The following NCEH1 variants were observed in gnomAD, a reference collection of about 807,000 sequenced individuals.
NCEH1 encodes neutral cholesterol ester hydrolase 1, also known as 2-acetyl MAGE hydrolase.
Under a neutral mutation model 25.4 loss-of-function variants are expected in NCEH1, and 9 were observed. The ratio of observed to expected loss-of-function variants is 0.35; its 90% CI spans 0.21 to 0.62. The LOEUF (loss-of-function observed/expected upper bound fraction) is 0.62, where lower values mean the gene tolerates loss of function less well. Among genes scored for constraint, NCEH1 ranks in the 20% least tolerant of loss-of-function variants. NCEH1 has a pLI of 0.72. For missense variants in NCEH1, 412 were observed against 501.1 expected (o/e 0.82, Z 1.70); for synonymous variants, 200 against 199.8 (o/e 1.00, Z -0.01).
intron 1 of NCEH1, among the ~76,000 whole-genome samples, chr3:172,681,573 C>T (rs1712377083): frequency 6.6e-6 from 1 of 151,884 alleles, no homozygotes; most frequent in Non-Finnish European, 1.5e-5. Context: ...CATTACACTA[C>T]ACATGGAACA....
intron 1 of NCEH1, among the ~76,000 whole-genome samples, chr3:172,706,783 G>A (rs1714026477): frequency 1.3e-5 from 2 of 152,058 alleles, no homozygotes; most frequent in African/African-American, 4.8e-5. Flanking sequence ...TTACAGGCAT[G>A]AGCCACCACA....
chr3:172,685,988 T>C (rs1204325801), intron 1 of NCEH1, among the ~76,000 whole-genome samples: 1 of 152,260 alleles, frequency 6.6e-6, no homozygotes, highest in Non-Finnish European at 1.5e-5. Flanking sequence ...TGAAGAGTTC[T>C]GAGATCTGTG....
intron 1 of NCEH1, chr3:172,681,038 C>A (rs531690221): frequency 5.3e-5 from 8 of 150,756 alleles, no homozygotes; most frequent in African/African-American, 1.5e-4. Context: ...CCTTTACTTG[C>A]CAAGATACGT....
chr3:172,704,349 A>C (rs1057264387), intron 1 of NCEH1, among the ~76,000 whole-genome samples: 2 of 152,226 alleles, frequency 1.3e-5, no homozygotes, highest in African/African-American at 4.8e-5. Context: ...GTGTCACTGA[A>C]AAGATTCATA....
At chr3:172,666,098 C>T (rs1718194201) in intron 1 of NCEH1, among the ~76,000 whole-genome samples, 1 of 152,092 alleles carries the variant, frequency 6.6e-6, no homozygotes, top group South Asian at 2.1e-4. Context: ...GGAGCTGCTT[C>T]TATTCTTGGA....
chr3:172,691,959 AAAAAAAAAAG>A (rs1328183023), intron 1 of NCEH1, among the ~76,000 whole-genome samples: 166 of 25,638 alleles, frequency 6.5e-3, no homozygotes, highest in African/African-American at 0.033. Flanking sequence ...AAAAAAAAAA[AAAAAAAAAAG>A]AAAGAAAGAA....
At chr3:172,658,943 T>C (rs1156340924) in intron 1 of NCEH1, among the ~76,000 whole-genome samples, 1 of 145,484 alleles carries the variant, frequency 6.9e-6, no homozygotes, top group African/African-American at 2.5e-5. Flanking sequence ...TCCTATAGTC[T>C]ACAGGATATG....
At chr3:172,654,896 C>G (rs1717617174) in intron 1 of NCEH1, among the ~76,000 whole-genome samples, 1 of 152,142 alleles carries the variant, frequency 6.6e-6, no homozygotes, top group South Asian at 2.1e-4. Context: ...AATCTATAAT[C>G]TCATGGAACA....
intron 1 of NCEH1, among the ~76,000 whole-genome samples, chr3:172,699,508 C>T (rs1713566317): frequency 6.6e-6 from 1 of 152,122 alleles, no homozygotes; most frequent in Non-Finnish European, 1.5e-5. Flanking sequence ...CAAATGTGTG[C>T]AAGTCAAATA....
At chr3:172,647,777 A>T in intron 2 of NCEH1, 109 bp downstream of exon 2, 1 of 1,425,644 alleles carries the variant, frequency 7.0e-7, no homozygotes, top group Non-Finnish European at 9.6e-7. Context: ...ATCCAGGGGA[A>T]CCTAGATAAA....
chr3:172,653,384 T>A (rs991948176), intron 1 of NCEH1, among the ~76,000 whole-genome samples: 12 of 152,186 alleles, frequency 7.9e-5, no homozygotes, highest in African/African-American at 2.9e-4. Context: ...TTGGTCTCTG[T>A]TGACTAAGTC....
At chr3:172,666,645 A>G (rs1247873929) in intron 1 of NCEH1, among the ~76,000 whole-genome samples, 1 of 152,164 alleles carries the variant, frequency 6.6e-6, no homozygotes, top group Non-Finnish European at 1.5e-5. Flanking sequence ...GAGCCGTATC[A>G]TTTTGGTGCA....
At chr3:172,645,282 G>A (rs1304008638) in intron 3 of NCEH1, among the ~76,000 whole-genome samples, 1 of 152,120 alleles carries the variant, frequency 6.6e-6, no homozygotes, top group African/African-American at 2.4e-5. Flanking sequence ...ACTCTCAGCT[G>A]TAGAAGAGAT....
intron 1 of NCEH1, among the ~76,000 whole-genome samples, chr3:172,697,938 T>C (rs1659423931): frequency 6.6e-6 from 1 of 152,196 alleles, no homozygotes; most frequent in Non-Finnish European, 1.5e-5. Context: ...AGCAATCTTA[T>C]TGTTAAAAGC....
intron 1 of NCEH1, among the ~76,000 whole-genome samples, chr3:172,668,900 G>T (rs1209830042): frequency 1.3e-5 from 2 of 152,092 alleles, no homozygotes; most frequent in East Asian, 3.9e-4. Flanking sequence ...TGTAATGATG[G>T]AGCTTTACAA....
In NCEH1 at chr3:172,710,956, G is replaced by A. The variant is rs781216479; in HGVS notation, c.29C>T (p.Ala10Val). The change falls in exon 1 of 5, where the codon GCC becomes GTC. Residue 10 changes from alanine (A) to valine (V), a missense_variant. This residue lies in a region of NCEH1 where 178 missense variants were observed against 189.2 expected (regional missense o/e 0.94). Coordinates refer to ENST00000475381, the MANE Select transcript of NCEH1 (RefSeq NM_020792.6). ...GTAATAGGCGGCCAGCGCCACCAGG[G>A]CGGTGAGCAGGACACAGGACGACCT... MRSSCVLLT[A>V]LVALAAYYVY... 6.8e-6 allele frequency: 11 copies of A among 1,613,994 alleles called. No individual in the cohort carries two copies. The African/African-American group carries it at 1.3e-4, about 20-fold the overall frequency.
At chr3:172,687,462 A>T (rs1333167440) in intron 1 of NCEH1, among the ~76,000 whole-genome samples, 1 of 152,254 alleles carries the variant, frequency 6.6e-6, no homozygotes, top group Admixed American at 6.5e-5. Flanking sequence ...AACCATTTGC[A>T]ACACTTGTAA....
chr3:172,692,725 T>C (rs1001365465), intron 1 of NCEH1, among the ~76,000 whole-genome samples: 8 of 152,140 alleles, frequency 5.3e-5, no homozygotes, highest in African/African-American at 1.9e-4. Flanking sequence ...ACTCTTGATG[T>C]TGGTTGTGTG....
At chr3:172,645,285 G>C (rs1717064383) in intron 3 of NCEH1, among the ~76,000 whole-genome samples, 1 of 152,124 alleles carries the variant, frequency 6.6e-6, no homozygotes, top group Non-Finnish European at 1.5e-5. Context: ...CTCAGCTGTA[G>C]AAGAGATTCT....
Sources: allele counts gnomAD v4.1 joint callset (sites outside exome capture counted in the v4.1 genomes callset), GRCh38; gene constraint gnomAD v4.1.1; regional missense constraint gnomAD v4.1.1; transcripts MANE v1.5; gene names NCBI Gene and HGNC (gene_info 2026-07-23, HGNC 2026-07-21).